SEMA6D: variants seen among roughly 807,000 people sequenced by gnomAD.
The protein encoded by SEMA6D is semaphorin 6D, also known as semaphorin-6D.
In SEMA6D, 35 loss-of-function variants were observed where a neutral mutation model predicts 106.6. The ratio of observed to expected loss-of-function variants is 0.33; its 90% CI spans 0.25 to 0.44. SEMA6D has a LOEUF of 0.44. Among genes scored for constraint, SEMA6D ranks in the 20% least tolerant of loss-of-function variants. SEMA6D has a pLI of 1.00. For missense variants in SEMA6D, 1,185 were observed against 1,345.9 expected (o/e 0.88, Z 1.87); for synonymous variants, 499 against 487.7 (o/e 1.02, Z -0.31).
At chr15:47,302,660 G>A (rs1335834196) in intron 1 of SEMA6D, among the ~76,000 whole-genome samples, 6 of 152,122 alleles carry the variant, frequency 3.9e-5, no homozygotes, top group Non-Finnish European at 5.9e-5. Flanking sequence ...CAGAAGCAAC[G>A]CTAGAGAGAT....
chr15:47,330,803 G>A (rs1352158162), intron 1 of SEMA6D, among the ~76,000 whole-genome samples: 1 of 152,160 alleles, frequency 6.6e-6, no homozygotes, highest in Non-Finnish European at 1.5e-5. Context: ...ACTTTCAAGT[G>A]GGCTTTGATG....
intron 1 of SEMA6D, chr15:47,274,815 C>T (rs2034723573): frequency 6.6e-6 from 1 of 152,148 alleles, no homozygotes. Flanking sequence ...CTGGACCATT[C>T]ATATCAATCA....
At chr15:47,532,645 G>A (rs1371138288) in intron 3 of SEMA6D, among the ~76,000 whole-genome samples, 1 of 152,176 alleles carries the variant, frequency 6.6e-6, no homozygotes, top group Admixed American at 6.5e-5. Context: ...TGGTTGGTGA[G>A]AGGATTGATT....
chr15:47,347,755 A>T (rs516191), intron 1 of SEMA6D, among the ~76,000 whole-genome samples: 80,989 of 152,038 alleles, frequency 0.53, 24,683 homozygotes, highest in African/African-American at 0.85. Flanking sequence ...TTGGAAAACA[A>T]GTGGTCCCAG....
chr15:47,318,538 A>G (rs577268654), intron 1 of SEMA6D, among the ~76,000 whole-genome samples: 1 of 149,044 alleles, frequency 6.7e-6, no homozygotes, highest in Non-Finnish European at 1.5e-5. Flanking sequence ...TGTTCTTGCG[A>G]TAGTTTACTG....
At chr15:47,336,828 T>C (rs1391123215) in intron 1 of SEMA6D, among the ~76,000 whole-genome samples, 2 of 152,160 alleles carry the variant, frequency 1.3e-5, no homozygotes, top group African/African-American at 4.8e-5. Context: ...CTGGAGCTGC[T>C]TGGTTTACTG....
At chr15:47,437,951 G>T (rs1290779369) in intron 2 of SEMA6D, among the ~76,000 whole-genome samples, 1 of 152,096 alleles carries the variant, frequency 6.6e-6, no homozygotes, top group Non-Finnish European at 1.5e-5. Context: ...GAATTGATGT[G>T]TGTGGTGGAG....
intron 1 of SEMA6D, among the ~76,000 whole-genome samples, chr15:47,379,368 C>G (rs1040605135): frequency 2.0e-5 from 3 of 152,170 alleles, no homozygotes; most frequent in Non-Finnish European, 4.4e-5. Context: ...CGAGTAACCT[C>G]ACTTTATAAA....
intron 1 of SEMA6D, among the ~76,000 whole-genome samples, chr15:47,317,730 T>C (rs1179220130): frequency 6.6e-6 from 1 of 152,202 alleles, no homozygotes; most frequent in Non-Finnish European, 1.5e-5. Flanking sequence ...ATGATTCTTA[T>C]CTTTGTTACT....
At chr15:47,646,600 G>C (rs1441975912) in intron 4 of SEMA6D, among the ~76,000 whole-genome samples, 1 of 152,136 alleles carries the variant, frequency 6.6e-6, no homozygotes, top group African/African-American at 2.4e-5. Context: ...CTGAATCACT[G>C]TACTTCTCTC....
intron 1 of SEMA6D, among the ~76,000 whole-genome samples, chr15:47,395,023 A>T (rs370748646): frequency 6.6e-6 from 1 of 152,042 alleles, no homozygotes; most frequent in Admixed American, 6.5e-5. Flanking sequence ...CATGTCCCCA[A>T]ATATATGCAG....
intron 1 of SEMA6D, among the ~76,000 whole-genome samples, chr15:47,216,330 A>G (rs1192503599): frequency 2.0e-5 from 3 of 148,576 alleles, no homozygotes; most frequent in Non-Finnish European, 4.5e-5. Flanking sequence ...AACTCAAATT[A>G]AAGATTCAAA....
intron 1 of SEMA6D, among the ~76,000 whole-genome samples, chr15:47,378,474 T>C (rs1315426309): frequency 2.0e-5 from 3 of 152,090 alleles, no homozygotes; most frequent in Non-Finnish European, 4.4e-5. Flanking sequence ...CCAGCCTGGG[T>C]GATGGAACCA....
chr15:47,717,328 G>C (rs2079146679), upstream of SEMA6D: 2 of 151,976 alleles, frequency 1.3e-5, no homozygotes, highest in African/African-American at 4.8e-5. Flanking sequence ...GTTCACCCGC[G>C]AGGGCGAGCG....
intron 1 of SEMA6D, among the ~76,000 whole-genome samples, chr15:47,192,729 A>G (rs1036413806): frequency 1.3e-5 from 2 of 152,234 alleles, no homozygotes; most frequent in Admixed American, 6.5e-5. Flanking sequence ...AGGCTGCCCT[A>G]TCAGATATTG....
intron 1 of SEMA6D, among the ~76,000 whole-genome samples, chr15:47,215,358 G>A (rs1233900085): frequency 6.6e-6 from 1 of 151,840 alleles, no homozygotes; most frequent in Non-Finnish European, 1.5e-5. Context: ...ATATTAAAGG[G>A]GGTTGTGCAC....
At chr15:47,399,738 C>T (rs1042878467) in intron 1 of SEMA6D, among the ~76,000 whole-genome samples, 7 of 152,222 alleles carry the variant, frequency 4.6e-5, no homozygotes, top group East Asian at 1.9e-4. Context: ...GAAACAAATT[C>T]GGATGATAAT....
intron 3 of SEMA6D, among the ~76,000 whole-genome samples, chr15:47,477,945 T>C (rs1017098234): frequency 2.6e-5 from 4 of 152,192 alleles, no homozygotes; most frequent in African/African-American, 9.6e-5. Flanking sequence ...CTTCATTTAC[T>C]GTAGCTTGAA....
At chr15:47,717,839 T>C in intron 1 of SEMA6D, 147 bp downstream of exon 1, 8 of 65,652 alleles carry the variant, frequency 1.2e-4, no homozygotes, top group Non-Finnish European at 1.8e-4. Flanking sequence ...TCGCTGTGTG[T>C]GTGTGTGTGT....
Sources: allele counts gnomAD v4.1 joint callset (sites outside exome capture counted in the v4.1 genomes callset), GRCh38; gene constraint gnomAD v4.1.1; transcripts MANE v1.5; gene names NCBI Gene and HGNC (gene_info 2026-07-23, HGNC 2026-07-21).